Variants in SEZ6L observed in about 807,000 individuals in gnomAD.
The protein encoded by SEZ6L is seizure related 6 homolog like.
Under a neutral mutation model 106.2 loss-of-function variants are expected in SEZ6L, and 37 were observed. That is an observed-to-expected ratio of 0.35 (90% CI 0.27 to 0.46). SEZ6L has a LOEUF of 0.46. Ranked by LOEUF, SEZ6L falls within the 20% of genes least tolerant of loss-of-function variation. The pLI is 1.00. For synonymous variants in SEZ6L, 541 were observed against 570.4 expected, an observed-to-expected ratio of 0.95 and a Z score of 0.73; for missense variants, 1,172 against 1,332.8, an observed-to-expected ratio of 0.88 and a Z score of 1.88.
intron 1 of SEZ6L, among the ~76,000 whole-genome samples, chr22:26,283,271 C>G (rs2080831372): frequency 6.6e-6 from 1 of 152,020 alleles, no homozygotes; most frequent in African/African-American, 2.4e-5. Context: ...AATGTAATCC[C>G]CAAAGATGCG....
At chr22:26,329,455 GA>G (rs1274358691) in intron 9 of SEZ6L, among the ~76,000 whole-genome samples, 1 of 151,970 alleles carries the variant, frequency 6.6e-6, no homozygotes, top group Admixed American at 6.6e-5. Flanking sequence ...ATGACAGAGT[GA>G]AACACCATCT....
At chr22:26,262,592 T>C (rs1269948926) in intron 1 of SEZ6L, among the ~76,000 whole-genome samples, 1 of 152,162 alleles carries the variant, frequency 6.6e-6, no homozygotes, top group Non-Finnish European at 1.5e-5. Context: ...AGGACAGACG[T>C]AAGTGTTACC....
intron 13 of SEZ6L, 60 bp downstream of exon 13, chr22:26,365,626 T>G: frequency 6.8e-7 from 1 of 1,470,654 alleles, no homozygotes; most frequent in South Asian, 1.2e-5. Flanking sequence ...GGCTCCTGGC[T>G]CACAGGAGTT....
intron 1 of SEZ6L, among the ~76,000 whole-genome samples, chr22:26,207,874 G>A (rs1235046431): frequency 6.6e-6 from 1 of 151,502 alleles, no homozygotes; most frequent in African/African-American, 2.4e-5. Context: ...AAGCCCACAG[G>A]CAATGTTATA....
chr22:26,281,443 C>T (rs6004986), intron 1 of SEZ6L, among the ~76,000 whole-genome samples: 19,306 of 148,016 alleles, frequency 0.13, 1,352 homozygotes, highest in Middle Eastern at 0.21. Context: ...GGCGCCATCT[C>T]GGCTCACTGC....
intron 1 of SEZ6L, among the ~76,000 whole-genome samples, chr22:26,223,998 G>A (rs1384600578): frequency 1.3e-5 from 2 of 151,974 alleles, no homozygotes; most frequent in Non-Finnish European, 2.9e-5. Flanking sequence ...TATTAAATTG[G>A]CCTCGTTATT....
chr22:26,371,061 T>C (rs575965253), intron 13 of SEZ6L, among the ~76,000 whole-genome samples: 1 of 152,090 alleles, frequency 6.6e-6, no homozygotes, highest in East Asian at 1.9e-4. Context: ...TTCTGTGTTT[T>C]ACTTATTACA....
intron 1 of SEZ6L, among the ~76,000 whole-genome samples, chr22:26,278,981 G>GGAGGGAGGGACGAAGGGAGGGAGA: frequency 8.3e-6 from 1 of 121,134 alleles, no homozygotes; most frequent in Non-Finnish European, 1.8e-5. Context: ...AGGGAGGGAG[G>GGAGGGAGGGACGAAGGGAGGGAGA]GAGGGAGGAA....
chr22:26,264,698 C>A (rs2080121588), intron 1 of SEZ6L, among the ~76,000 whole-genome samples: 1 of 152,052 alleles, frequency 6.6e-6, no homozygotes, highest in African/African-American at 2.4e-5. Flanking sequence ...TTAGACAATA[C>A]ATAAAAAGAA....
chr22:26,285,075 G>A (rs1226350280), intron 1 of SEZ6L, among the ~76,000 whole-genome samples: 1 of 152,156 alleles, frequency 6.6e-6, no homozygotes, highest in Non-Finnish European at 1.5e-5. Flanking sequence ...GCAACTGACT[G>A]ATAGGGAAGA....
intron 9 of SEZ6L, among the ~76,000 whole-genome samples, chr22:26,324,759 G>A (rs1349946196): frequency 6.6e-6 from 1 of 152,168 alleles, no homozygotes; most frequent in Non-Finnish European, 1.5e-5. Flanking sequence ...AAATTTCATA[G>A]AGCCCAAATT....
At chr22:26,284,604 C>CAAAAAAAAAAAAAA (rs137198) in intron 1 of SEZ6L, among the ~76,000 whole-genome samples, 1 of 64,034 alleles carries the variant, frequency 1.6e-5, no homozygotes. Context: ...ATCAGGACTC[C>CAAAAAAAAAAAAAA]AAAAAAAAAA....
chr22:26,379,034 A>T (rs1166607929), intron 16 of SEZ6L, among the ~76,000 whole-genome samples: 1 of 152,226 alleles, frequency 6.6e-6, no homozygotes, highest in African/African-American at 2.4e-5. Context: ...GCTACAAACA[A>T]GGCAGCAACT....
Position 26,361,526 on chromosome 22 carries a change from T to C in SEZ6L, c.2600-3846T>C, listed in dbSNP as rs1053191622. 3.7e-3 allele frequency among the ~76,000 whole-genome samples: 542 copies of C among 146,846 alleles called. 1 individual carries two copies. The highest frequency in any genetic ancestry group is 5.9e-3 in the Non-Finnish European group (394 of 66,648). The stretch of plus-strand genomic sequence containing the variant: ...TGTCTCAAAAAAAAAAAAAAATATA[T>C]ATATATATATATGTATTAAGTGAAC... On this transcript the variant is annotated intron_variant, in intron 12 of 16. Coordinates refer to ENST00000248933, the MANE Select transcript of SEZ6L (RefSeq NM_021115.5).
At chr22:26,273,512 T>C (rs1440741586) in intron 1 of SEZ6L, among the ~76,000 whole-genome samples, 1 of 152,268 alleles carries the variant, frequency 6.6e-6, no homozygotes, top group Non-Finnish European at 1.5e-5. Flanking sequence ...TCTTGTTGGC[T>C]GCGAGAGCTC....
Position 26,348,528 on chromosome 22 carries a change from A to T in SEZ6L, c.2407+615A>T, listed in dbSNP as rs1377002567. On this transcript the variant is annotated intron_variant, in intron 11 of 16. Transcript: ENST00000248933. ...TGGGAGAGAGAGAAGGAAGGAAGGA[A>T]GGAAGGAAGGAAGGAAGGAAGGAAG... 7.8e-5 allele frequency among the ~76,000 whole-genome samples: 6 copies of T among 76,674 alleles called. No homozygotes were observed. The East Asian group carries it at 1.9e-3, about 24-fold the overall frequency. 50.3% of individuals were successfully genotyped at this position (76,674 alleles called of 152,430 possible). A position where few individuals can be genotyped will look rare whatever the true frequency, so the allele number is the denominator to read the frequency against.
chr22:26,276,080 C>A (rs1418098089), intron 1 of SEZ6L, among the ~76,000 whole-genome samples: 1 of 152,224 alleles, frequency 6.6e-6, no homozygotes, highest in Non-Finnish European at 1.5e-5. Flanking sequence ...CCAGTTTGCT[C>A]ACCATTAAAA....
intron 1 of SEZ6L, among the ~76,000 whole-genome samples, chr22:26,273,636 G>T: frequency 6.6e-6 from 1 of 152,314 alleles, no homozygotes; most frequent in Middle Eastern, 3.4e-3. Flanking sequence ...CCACTCCTCC[G>T]CATGCACTGG....
chr22:26,267,636 C>T (rs2080232074), intron 1 of SEZ6L, among the ~76,000 whole-genome samples: 1 of 152,196 alleles, frequency 6.6e-6, no homozygotes, highest in Non-Finnish European at 1.5e-5. Context: ...TTGTCAGAGC[C>T]TCTACCATGA....
Sources: allele counts gnomAD v4.1 joint callset (sites outside exome capture counted in the v4.1 genomes callset), GRCh38; gene constraint gnomAD v4.1.1; transcripts MANE v1.5; gene names NCBI Gene and HGNC (gene_info 2026-07-23, HGNC 2026-07-21).